Variants in PARP8 observed in about 807,000 individuals in gnomAD.
The protein encoded by PARP8 is protein mono-ADP-ribosyltransferase PARP8.
In PARP8, 51 loss-of-function variants were observed where a neutral mutation model predicts 124.1. That is an observed-to-expected ratio of 0.41 (90% CI 0.33 to 0.52). The LOEUF (loss-of-function observed/expected upper bound fraction) is 0.52, where lower values mean the gene tolerates loss of function less well. Ranked by LOEUF, PARP8 falls within the 20% of genes least tolerant of loss-of-function variation. The pLI, the probability that PARP8 is intolerant of heterozygous loss-of-function variation, is 0.21. For missense variants in PARP8, 860 were observed against 1,018.9 expected (o/e 0.84, Z 2.12); for synonymous variants, 391 against 361.5 (o/e 1.08, Z -0.93).
intron 7 of PARP8, among the ~76,000 whole-genome samples, chr5:50,766,751 G>T (rs1429769052): frequency 1.3e-5 from 2 of 152,086 alleles, no homozygotes; most frequent in Admixed American, 1.3e-4. Flanking sequence ...TTGTAATTGG[G>T]CCTTTTGAGG....
chr5:50,735,399 A>G (rs1227746143), intron 2 of PARP8, among the ~76,000 whole-genome samples: 1 of 152,152 alleles, frequency 6.6e-6, no homozygotes, highest in African/African-American at 2.4e-5. Context: ...ATATGGTACA[A>G]TCAAATTCTC....
At chr5:50,832,492 G>C (rs1414679083) in intron 22 of PARP8, among the ~76,000 whole-genome samples, 3 of 152,056 alleles carry the variant, frequency 2.0e-5, no homozygotes, top group African/African-American at 7.2e-5. Flanking sequence ...ATGAAAGTTA[G>C]GTTCTAAAAG....
At chr5:50,816,067 A>T (rs1379223781) in intron 15 of PARP8, among the ~76,000 whole-genome samples, 1 of 152,186 alleles carries the variant, frequency 6.6e-6, no homozygotes, top group African/African-American at 2.4e-5. Context: ...ACTCTAAAAA[A>T]TTAATGAACA....
chr5:50,667,427 C>T, intron 1 of PARP8: 1 of 701,758 alleles, frequency 1.4e-6, no homozygotes. Context: ...GCCCGCGTGG[C>T]CGGAGCGGGG....
intron 13 of PARP8, 40 bp downstream of exon 13, chr5:50,797,072 T>G: frequency 1.9e-6 from 3 of 1,610,294 alleles, no homozygotes; most frequent in Non-Finnish European, 2.5e-6. Context: ...AATATTTTAG[T>G]TCTTACGGGG....
At chr5:50,769,715 A>G (rs1227607896) in intron 7 of PARP8, among the ~76,000 whole-genome samples, 1 of 151,826 alleles carries the variant, frequency 6.6e-6, no homozygotes, top group Admixed American at 6.6e-5. Flanking sequence ...AAAACAGCTG[A>G]TGATAGAAGA....
At chr5:50,672,849 T>C (rs1307823369) in intron 2 of PARP8, among the ~76,000 whole-genome samples, 3 of 152,018 alleles carry the variant, frequency 2.0e-5, no homozygotes, top group African/African-American at 7.2e-5. Flanking sequence ...TGTATGTGTG[T>C]GCAGGGGTGA....
At chr5:50,691,238 C>T (rs1179243381) in intron 2 of PARP8, among the ~76,000 whole-genome samples, 1 of 152,150 alleles carries the variant, frequency 6.6e-6, no homozygotes, top group Non-Finnish European at 1.5e-5. Context: ...CTTTTTTCCT[C>T]CCCTCCAAAA....
At chr5:50,825,966 A>G (rs1339697257) in intron 18 of PARP8, among the ~76,000 whole-genome samples, 1 of 152,156 alleles carries the variant, frequency 6.6e-6, no homozygotes, top group Non-Finnish European at 1.5e-5. Flanking sequence ...TGTATCTGTT[A>G]TGATCTGTTA....
chr5:50,805,689 A>G (rs994449547), intron 14 of PARP8, among the ~76,000 whole-genome samples: 1 of 152,122 alleles, frequency 6.6e-6, no homozygotes, highest in Non-Finnish European at 1.5e-5. Context: ...TTGTATTTCA[A>G]GATTTATACT....
At chr5:50,740,058 A>T (rs1757891291) in intron 2 of PARP8, among the ~76,000 whole-genome samples, 1 of 151,986 alleles carries the variant, frequency 6.6e-6, no homozygotes, top group Non-Finnish European at 1.5e-5. Flanking sequence ...CTGGGTTTAT[A>T]TATTTTTAGT....
intron 9 of PARP8, among the ~76,000 whole-genome samples, chr5:50,786,671 A>G (rs1561378200): frequency 6.6e-6 from 1 of 151,986 alleles, no homozygotes; most frequent in Non-Finnish European, 1.5e-5. Flanking sequence ...CCTGGCCTGA[A>G]AAACTTCTTT....
At chr5:50,769,106 C>A (rs1761337775) in intron 7 of PARP8, among the ~76,000 whole-genome samples, 1 of 152,110 alleles carries the variant, frequency 6.6e-6, no homozygotes, top group Non-Finnish European at 1.5e-5. Flanking sequence ...TGGGAAGATA[C>A]TTTTAACCAA....
chr5:50,794,396 T>TA lies in PARP8; in HGVS notation c.863+65dup, dbSNP rs1404278950. On this transcript the variant is annotated intron_variant, in intron 11 of 25. Transcript: ENST00000281631. The stretch of plus-strand genomic sequence containing the variant: ...CTGAGTGTGTGATGTAGTTCATGCT[T>TA]ACAGCATTCTTTCTATAGTGTTGGC... 16 of 1,558,494 alleles carry TA rather than the reference T, an allele frequency of 1.0e-5. No individual in the cohort carries two copies. In the Admixed American group the frequency reaches 2.7e-4, roughly 26 times the overall value.
At chr5:50,667,537 T>C (rs1225741841) in intron 1 of PARP8, 2 of 699,860 alleles carry the variant, frequency 2.9e-6, no homozygotes, top group Non-Finnish European at 5.2e-6. Flanking sequence ...CAGAGCGGGG[T>C]TGGTTTGCGC....
intron 2 of PARP8, among the ~76,000 whole-genome samples, chr5:50,700,172 C>T (rs1018140940): frequency 2.0e-5 from 3 of 152,056 alleles, no homozygotes; most frequent in Admixed American, 1.3e-4. Flanking sequence ...CCCAGAAGTG[C>T]CAGAATCAGC....
At chr5:50,734,570 A>C (rs181488672) in intron 2 of PARP8, among the ~76,000 whole-genome samples, 12 of 152,288 alleles carry the variant, frequency 7.9e-5, no homozygotes, top group Admixed American at 4.6e-4. Flanking sequence ...TATAAAATTG[A>C]GTCTCTTTTC....
intron 2 of PARP8, among the ~76,000 whole-genome samples, chr5:50,699,481 T>A (rs1753367578): frequency 6.6e-6 from 1 of 152,216 alleles, no homozygotes; most frequent in Non-Finnish European, 1.5e-5. Context: ...CCCTGTTGGC[T>A]TGAGCAGATT....
At chr5:50,810,386 C>T (rs1744303531) in intron 14 of PARP8, among the ~76,000 whole-genome samples, 1 of 152,008 alleles carries the variant, frequency 6.6e-6, no homozygotes, top group Non-Finnish European at 1.5e-5. Context: ...TACAATAAAA[C>T]ATGGCAATAC....
Sources: allele counts gnomAD v4.1 joint callset (sites outside exome capture counted in the v4.1 genomes callset), GRCh38; gene constraint gnomAD v4.1.1; transcripts MANE v1.5; gene names NCBI Gene and HGNC (gene_info 2026-07-23, HGNC 2026-07-21).